The following PSMD9 variants were observed in gnomAD, a reference collection of about 807,000 sequenced individuals.
PSMD9 encodes 26S proteasome non-ATPase regulatory subunit 9.
A neutral mutation model predicts 25.9 loss-of-function variants in PSMD9; 26 were observed. The ratio of observed to expected loss-of-function variants is 1.00; its 90% CI spans 0.73 to 1.39. The LOEUF (loss-of-function observed/expected upper bound fraction) is 1.39, where lower values mean the gene tolerates loss of function less well. PSMD9 is among the 40% of genes most tolerant of loss of function. PSMD9 has a pLI of 0.00. For synonymous variants in PSMD9, 110 were observed against 114.5 expected (o/e 0.96, Z 0.25); for missense variants, 303 against 299.3 (o/e 1.01, Z -0.09).
Position 121,894,787 on chromosome 12 carries a change from C to A in PSMD9, c.187C>A (p.Pro63Thr). The A allele has an allele frequency of 6.2e-7, 1 of 1,614,102 alleles. No homozygotes were observed. The highest frequency in any genetic ancestry group is 8.5e-7 in the Non-Finnish European group (1 of 1,180,016). Residue 63 changes from proline to threonine, a missense_variant, in exon 2 of 6, where the codon CCC (proline) becomes ACC (threonine). Pro to Thr is a conservative substitution (Grantham distance 38, BLOSUM62 -1). Transcript: ENST00000541212. ...GCCGCTGGTGGACTGTGAGGGCTACCCCCGGTCAGACGTGGACCTGTACCA... is the reference window on the plus strand; with the variant it reads ...GCCGCTGGTGGACTGTGAGGGCTACACCCGGTCAGACGTGGACCTGTACCA... ...NEPLVDCEGY[P>T]RSDVDLYQVR...
intron 4 of PSMD9, 52 bp from the exon 5 acceptor site, chr12:121,915,804 A>G (rs1879879345): frequency 6.9e-7 from 1 of 1,450,602 alleles, no homozygotes; most frequent in Admixed American, 2.0e-5. Flanking sequence ...TTTAGCCTGC[A>G]TCTCTGAGTA....
rs1337829045 is a variant in PSMD9, at chr12:121,917,437, A to G, written c.*1126A>G. The G allele has an allele frequency of 2.0e-5, 3 of 152,220 alleles. No individual in the cohort carries two copies. Among genetic ancestry groups the G allele is most frequent in the Non-Finnish European group, 4.4e-5 (3 of 68,052 alleles). The allele number at this position is 152,220 out of a possible 1,614,324, so 9.4% of individuals were successfully genotyped here. On this transcript the variant is annotated 3_prime_UTR_variant, in exon 6 of 6. Coordinates refer to ENST00000541212, the MANE Select transcript of PSMD9 (RefSeq NM_002813.7). ...CTCCCTTTTATTTTTTGTCTCTTTT[A>G]AGATGGTAAAATGGTTCTCAGGGAT...
At chr12:121,904,379 C>T (rs1017164665) in intron 4 of PSMD9, among the ~76,000 whole-genome samples, 4 of 149,050 alleles carry the variant, frequency 2.7e-5, no homozygotes, top group South Asian at 4.2e-4. Flanking sequence ...TGGAGACCAT[C>T]CTGGCTAACA....
chr12:121,894,875 T>G, intron 2 of PSMD9, 34 bp downstream of exon 2: 1 of 1,550,314 alleles, frequency 6.5e-7, no homozygotes, highest in Non-Finnish European at 8.9e-7. Flanking sequence ...TTCCCCACCT[T>G]GTGGTGGGAA....
At chr12:121,905,628 A>C (rs1879533019) in intron 4 of PSMD9, among the ~76,000 whole-genome samples, 1 of 150,736 alleles carries the variant, frequency 6.6e-6, no homozygotes, top group Admixed American at 6.6e-5. Context: ...CCCAGGTTCA[A>C]GCGATTCTCC....
At chr12:121,911,697 CA>C in intron 4 of PSMD9, among the ~76,000 whole-genome samples, 1 of 151,120 alleles carries the variant, frequency 6.6e-6, no homozygotes, top group East Asian at 1.9e-4. Context: ...TGCTCTCACC[CA>C]GGCTGGAGTG....
intron 1 of PSMD9, among the ~76,000 whole-genome samples, chr12:121,889,479 A>C (rs2137671563): frequency 6.6e-6 from 1 of 152,250 alleles, no homozygotes; most frequent in Middle Eastern, 3.4e-3. Flanking sequence ...CGGCCTTTCA[A>C]AGTGCTGGGA....
chr12:121,904,264 T>C (rs1377863681), intron 4 of PSMD9, among the ~76,000 whole-genome samples: 1 of 142,242 alleles, frequency 7.0e-6, no homozygotes, highest in Non-Finnish European at 1.5e-5. Context: ...AAAGAAATTC[T>C]TTTTTTTTTT....
intron 4 of PSMD9, among the ~76,000 whole-genome samples, chr12:121,913,661 A>T (rs972018895): frequency 6.6e-6 from 1 of 150,642 alleles, no homozygotes; most frequent in Admixed American, 6.6e-5. Context: ...CTGGCTAATT[A>T]AAAAAAATAT....
At chr12:121,913,637 G>A (rs1336123795) in intron 4 of PSMD9, among the ~76,000 whole-genome samples, 1 of 151,284 alleles carries the variant, frequency 6.6e-6, no homozygotes, top group Non-Finnish European at 1.5e-5. Context: ...GACTACAGAT[G>A]TGCGTCATCA....
At chr12:121,910,083 C>CTTTTTTTTTTTTTTTTTTTTTTTTTT (rs34940246) in intron 4 of PSMD9, among the ~76,000 whole-genome samples, 1 of 95,564 alleles carries the variant, frequency 1.0e-5, no homozygotes, top group Non-Finnish European at 1.9e-5. Flanking sequence ...TAGGAAATGA[C>CTTTTTTTTTTTTTTTTTTTTTTTTTT]TTTTTTTTTT....
At position 121,888,961 on chromosome 12, in the gene PSMD9, G is replaced by A. The variant is rs1256155482; in HGVS notation, c.105G>A (p.Ala35=). 4.4e-6 allele frequency: 7 copies of A among 1,590,376 alleles called. No individual in the cohort carries two copies. The East Asian group carries it at 1.1e-4, about 26-fold the overall frequency. ...ELMRRKEEIE[A]QIKANYDVLE... The stretch of plus-strand genomic sequence containing the variant: ...TGCGGCGCAAGGAGGAGATAGAAGC[G>A]CAGATCAAGGCCAACTATGACGTGC... Residue 35 remains alanine, a synonymous_variant, in exon 1 of 6, where the codon GCG becomes GCA. Transcript: ENST00000541212.
chr12:121,902,866 TC>T (rs1222899271), intron 3 of PSMD9, 139 bp from the exon 4 acceptor site: 1 of 669,298 alleles, frequency 1.5e-6, no homozygotes. Flanking sequence ...GGTGTCTACA[TC>T]CCTGACCTCT....
At chr12:121,891,383 G>A (rs1201374155) in intron 1 of PSMD9, among the ~76,000 whole-genome samples, 3 of 145,390 alleles carry the variant, frequency 2.1e-5, no homozygotes, top group African/African-American at 7.6e-5. Flanking sequence ...GGCGGATCAC[G>A]AGGTCAGGAG....
rs76586412 is a variant in PSMD9 at position 121,891,843 on chromosome 12, T to G, written c.138+2849T>G. On this transcript the variant is annotated intron_variant, in intron 1 of 5. Transcript: ENST00000541212. ...ATCACTTGAACCTGGGAGGCGGAGGTTGCAGTGAACCAAGACTGCACCACG... is the reference window on the plus strand; with the variant it reads ...ATCACTTGAACCTGGGAGGCGGAGGGTGCAGTGAACCAAGACTGCACCACG... Among the ~76,000 whole-genome samples, 188 of 137,978 alleles carry G rather than the reference T, an allele frequency of 1.4e-3. 4 individuals carry two copies. In the East Asian group the frequency reaches 0.037, roughly 27 times the overall value. The allele number at this position is 137,978 out of a possible 152,430, so 90.5% of individuals were successfully genotyped here.
chr12:121,909,528 C>T lies in PSMD9; in HGVS notation c.556-6328C>T, dbSNP rs150741100. ...TAGAGACAGGGTCTTGCTATGTTGC[C>T]TAGGCCGGTCTAGAACTCCTGGGCT... is the stretch of plus-strand genomic sequence containing the variant. On this transcript the variant is annotated intron_variant, in intron 4 of 5. Transcript: ENST00000541212. Among the ~76,000 whole-genome samples, 252 of 151,754 alleles carry T rather than the reference C, an allele frequency of 1.7e-3. 2 individuals are homozygous for T. Among genetic ancestry groups the T allele is most frequent in the African/African-American group, 5.8e-3 (239 of 41,376 alleles).
intron 1 of PSMD9, among the ~76,000 whole-genome samples, chr12:121,890,120 T>C (rs1879021545): frequency 6.6e-6 from 1 of 152,138 alleles, no homozygotes; most frequent in African/African-American, 2.4e-5. Flanking sequence ...TTTCACCATG[T>C]TGGTCAGGCC....
chr12:121,909,970 A>C (rs1289487107), intron 4 of PSMD9, among the ~76,000 whole-genome samples: 3 of 152,064 alleles, frequency 2.0e-5, no homozygotes, highest in Non-Finnish European at 4.4e-5. Flanking sequence ...AGCTTGTGCC[A>C]GTGCACCTTC....
chr12:121,890,364 C>T (rs573578715), intron 1 of PSMD9, among the ~76,000 whole-genome samples: 2 of 152,310 alleles, frequency 1.3e-5, no homozygotes, highest in Non-Finnish European at 2.9e-5. Context: ...CTTTAGTTTA[C>T]TTTCTACCAC....
Sources: gnomAD v4.1 joint callset for allele counts (sites outside exome capture counted in the v4.1 genomes callset) on GRCh38, gnomAD v4.1.1 for gene constraint, MANE v1.5 for transcripts, NCBI Gene and HGNC (gene_info 2026-07-23, HGNC 2026-07-21) for gene names.